Variants in CSMD1 observed in about 807,000 individuals in gnomAD.
CSMD1 encodes CUB and Sushi multiple domains 1.
CSMD1 carries 213 observed loss-of-function variants against 417.5 expected under a neutral mutation model. The ratio of observed to expected loss-of-function variants is 0.51; its 90% CI spans 0.46 to 0.57. CSMD1 has a LOEUF of 0.57. Ranked by LOEUF, CSMD1 falls within the 20% of genes least tolerant of loss-of-function variation. The probability of loss-of-function intolerance (pLI) is 0.00; values close to 1 mark genes in which losing one functional copy is unlikely to be tolerated. For missense variants in CSMD1, 6,923 were observed against 4,529.7 expected, an observed-to-expected ratio of 1.53 and a Z score of -15.17; for synonymous variants, 2,862 against 1,736.8, an observed-to-expected ratio of 1.65 and a Z score of -16.11.
chr8:3,075,845 T>C (rs1170497686), intron 49 of CSMD1, among the ~76,000 whole-genome samples: 2 of 148,338 alleles, frequency 1.3e-5, no homozygotes, highest in Non-Finnish European at 3.0e-5. Context: ...ATCGAGACCA[T>C]CCTGGGTAAC....
intron 10 of CSMD1, among the ~76,000 whole-genome samples, chr8:3,559,855 C>T (rs1425847279): frequency 9.9e-5 from 15 of 152,020 alleles, no homozygotes; most frequent in Admixed American, 2.0e-4. Context: ...TACTAAGAGG[C>T]CCCTAGAGTG....
At chr8:4,420,853 C>G (rs1043604905) in intron 2 of CSMD1, among the ~76,000 whole-genome samples, 7 of 152,282 alleles carry the variant, frequency 4.6e-5, no homozygotes, top group African/African-American at 1.4e-4. Flanking sequence ...ATAAAATCCA[C>G]AAACTCCTGT....
intron 5 of CSMD1, among the ~76,000 whole-genome samples, chr8:3,792,114 G>A (rs1347655814): frequency 6.6e-6 from 1 of 151,996 alleles, no homozygotes; most frequent in Non-Finnish European, 1.5e-5. Context: ...GGCCAAATAG[G>A]GAGACCCTGT....
At chr8:4,245,352 G>A (rs1042826366) in intron 3 of CSMD1, among the ~76,000 whole-genome samples, 5 of 152,154 alleles carry the variant, frequency 3.3e-5, no homozygotes, top group East Asian at 1.9e-4. Context: ...TGGGGTGGGA[G>A]GAAAGATTGC....
At chr8:3,735,648 T>A (rs1796490542) in intron 6 of CSMD1, among the ~76,000 whole-genome samples, 1 of 152,164 alleles carries the variant, frequency 6.6e-6, no homozygotes, top group South Asian at 2.1e-4. Context: ...GTGCCCTGGT[T>A]CACTCGGCTG....
Position 2,974,630 on chromosome 8 carries a change from GA to G in CSMD1, c.8567-7del, listed in dbSNP as rs765144961. On this transcript the variant is annotated splice_region_variant and splice_polypyrimidine_tract_variant and intron_variant, in intron 55 of 69. Coordinates refer to ENST00000635120, the MANE Select transcript of CSMD1 (RefSeq NM_033225.6). Reference sequence around the variant, plus strand: ...TGGGTGTCCACACGATATAGCTTCAGAAAAAAGATAAAACAATTGAGTACAT... The same window carrying G: ...TGGGTGTCCACACGATATAGCTTCAGAAAAAGATAAAACAATTGAGTACAT... 5.9e-5 allele frequency: 93 copies of G among 1,568,016 alleles called. No individual in the cohort carries two copies. The highest frequency in any genetic ancestry group is 7.8e-5 in the Non-Finnish European group (90 of 1,156,858).
At chr8:4,109,518 T>G (rs1159002344) in intron 3 of CSMD1, among the ~76,000 whole-genome samples, 1 of 152,144 alleles carries the variant, frequency 6.6e-6, no homozygotes, top group Admixed American at 6.5e-5. Context: ...GTAGACTTAT[T>G]GTCAGTAGTC....
Position 3,708,537 on chromosome 8 carries a change from C to A in CSMD1, c.932-46G>T, listed in dbSNP as rs1563295179. On this transcript the variant is annotated intron_variant, in intron 6 of 69. Coordinates refer to ENST00000635120, the MANE Select transcript of CSMD1 (RefSeq NM_033225.6). ...CCATTAGCAGGTAAGACTTGGAGAT[C>A]ATAAAACCATGTTGTATCCACACAG... The A allele has an allele frequency of 2.6e-6, 4 of 1,524,210 alleles. No homozygotes were observed. The Admixed American group carries it at 6.7e-5, about 25-fold the overall frequency. The allele number at this position is 1,524,210 out of a possible 1,614,324, so 94.4% of individuals were successfully genotyped here.
intron 11 of CSMD1, among the ~76,000 whole-genome samples, chr8:3,478,787 C>G (rs1011947100): frequency 6.6e-6 from 1 of 152,122 alleles, no homozygotes. Context: ...CCTTGTGGTC[C>G]CAGGGCTGCC....
chr8:3,053,645 G>C (rs1812021531), intron 49 of CSMD1, among the ~76,000 whole-genome samples: 1 of 152,154 alleles, frequency 6.6e-6, no homozygotes, highest in African/African-American at 2.4e-5. Flanking sequence ...TAAAAAACAA[G>C]ATTTGGGGAG....
intron 1 of CSMD1, among the ~76,000 whole-genome samples, chr8:4,872,354 G>C (rs1022536669): frequency 4.6e-5 from 7 of 152,046 alleles, no homozygotes; most frequent in African/African-American, 1.2e-4. Context: ...TCAAGGAAGA[G>C]AACAGGTGGA....
rs549608529 is a variant in CSMD1, at chr8:3,569,905, T to A, written c.1344+5040A>T. On this transcript the variant is annotated intron_variant, in intron 10 of 69. Coordinates refer to ENST00000635120, the MANE Select transcript of CSMD1 (RefSeq NM_033225.6). ...TCTCTGAACATTTCTCCGAGATAAA[T>A]GACAAAGGGCAAATAATTTTCTGAA... 5.3e-5 allele frequency among the ~76,000 whole-genome samples: 8 copies of A among 152,244 alleles called. No homozygotes were observed. In the South Asian group the frequency reaches 1.7e-3, roughly 32 times the overall value.
At chr8:3,763,030 G>C (rs998308999) in intron 5 of CSMD1, among the ~76,000 whole-genome samples, 4 of 152,124 alleles carry the variant, frequency 2.6e-5, no homozygotes, top group Non-Finnish European at 5.9e-5. Context: ...ATAGTTATTT[G>C]CTTAATGTTA....
At chr8:4,250,159 T>A (rs1423607308) in intron 3 of CSMD1, among the ~76,000 whole-genome samples, 2 of 152,186 alleles carry the variant, frequency 1.3e-5, no homozygotes, top group South Asian at 4.1e-4. Context: ...TCTCAGCCTC[T>A]AGAACTGTGA....
intron 49 of CSMD1, among the ~76,000 whole-genome samples, chr8:3,064,753 G>A (rs930310229): frequency 6.6e-6 from 1 of 152,070 alleles, no homozygotes; most frequent in South Asian, 2.1e-4. Context: ...ATGCTTTATG[G>A]GTTCTTTCCG....
chr8:3,666,129 C>T (rs1353475458), intron 7 of CSMD1, among the ~76,000 whole-genome samples: 1 of 152,204 alleles, frequency 6.6e-6, no homozygotes, highest in South Asian at 2.1e-4. Context: ...CTTCTGACCT[C>T]AAGTGATCTA....
chr8:3,444,735 T>C (rs1409484523), intron 12 of CSMD1, among the ~76,000 whole-genome samples: 1 of 152,170 alleles, frequency 6.6e-6, no homozygotes, highest in Admixed American at 6.5e-5. Flanking sequence ...ATAAATGTAA[T>C]GTAATAAACT....
chr8:3,668,706 G>A lies in CSMD1; in HGVS notation c.1009+39708C>T, dbSNP rs115144391. Among the ~76,000 whole-genome samples the A allele has an allele frequency of 4.8e-3, 727 of 152,266 alleles. 8 individuals are homozygous for A. The highest frequency in any genetic ancestry group is 0.016 in the African/African-American group (657 of 41,570). ...AACCAGGAGTCGAAGTCTAGACACA[G>A]AGATGGATGAGTTGGGAGCTCAGGA... On this transcript the variant is annotated intron_variant, in intron 7 of 69. Coordinates refer to ENST00000635120, the MANE Select transcript of CSMD1 (RefSeq NM_033225.6).
intron 26 of CSMD1, chr8:3,278,435 A>T (rs1371140728): frequency 2.6e-5 from 4 of 152,214 alleles, no homozygotes; most frequent in Non-Finnish European, 5.9e-5. Context: ...ATCAAGTAAA[A>T]ATAGCCTACT....
Sources: gnomAD v4.1 joint callset for allele counts (sites outside exome capture counted in the v4.1 genomes callset) on GRCh38, gnomAD v4.1.1 for gene constraint, MANE v1.5 for transcripts, NCBI Gene and HGNC (gene_info 2026-07-23, HGNC 2026-07-21) for gene names.